The following ENPP7 variants were observed in gnomAD, a reference collection of about 807,000 sequenced individuals.
The protein encoded by ENPP7 is ectonucleotide pyrophosphatase/phosphodiesterase 7.
ENPP7 carries 39 observed loss-of-function variants against 33.6 expected under a neutral mutation model. The observed-to-expected ratio is 1.16, with a 90% confidence interval of 0.90 to 1.52. The LOEUF (loss-of-function observed/expected upper bound fraction) is 1.52, where lower values mean the gene tolerates loss of function less well. Ranked by LOEUF, ENPP7 falls within the 40% of genes most tolerant of loss-of-function variation. ENPP7 has a pLI of 0.00. For synonymous variants in ENPP7, 244 were observed against 274.3 expected, an observed-to-expected ratio of 0.89 and a Z score of 1.09; for missense variants, 594 against 641.0, an observed-to-expected ratio of 0.93 and a Z score of 0.79.
rs1361104467 is a variant in ENPP7, at chr17:79,737,702, G to T, written c.1247-214G>T. ...CAAAGGCCACCTGGAAACTGACAAG[G>T]TGGCGACCCCGGCGGGGGCCTGGCT... On this transcript the variant is annotated intron_variant, in intron 4 of 5. Transcript: ENST00000328313. The surrounding 1 kb of genome is among the most constrained non-coding windows in gnomAD (Gnocchi z 5.5). Among the ~76,000 whole-genome samples, 2 of 152,208 alleles carry T rather than the reference G, an allele frequency of 1.3e-5. No homozygotes were observed. Among genetic ancestry groups the T allele is most frequent in the Non-Finnish European group, 2.9e-5 (2 of 68,036 alleles).
chr17:79,736,143 G>A (rs940876623), intron 3 of ENPP7, among the ~76,000 whole-genome samples: 13 of 152,144 alleles, frequency 8.5e-5, no homozygotes, highest in African/African-American at 2.2e-4. Flanking sequence ...GGCCTCAGGC[G>A]ATCCACCCGC....
Position 79,735,260 on chromosome 17 carries a change from GC to G in ENPP7, c.621del (p.Glu208SerfsTer34), listed in dbSNP as rs1199725217. 3 of 1,613,392 alleles carry G rather than the reference GC, an allele frequency of 1.9e-6. No homozygotes were observed. Among genetic ancestry groups the G allele is most frequent in the Non-Finnish European group, 2.5e-6 (3 of 1,180,030 alleles). On this transcript the variant is annotated frameshift_variant, in exon 3 of 6. Coordinates refer to ENST00000328313, the MANE Select transcript of ENPP7 (RefSeq NM_178543.5). LOFTEE classifies it high-confidence loss of function. The surrounding 1 kb of genome is among the most constrained non-coding windows in gnomAD (Gnocchi z 5.5). Reference sequence around the variant, plus strand: ...CCGGACTCCACGGGCCACAGGTACGGCCCCGAGTCCCCGGAGAGGAGGGAGA... The same window carrying G: ...CCGGACTCCACGGGCCACAGGTACGGCCCGAGTCCCCGGAGAGGAGGGAGA... ...GEPDSTGHRY[G>X]PESPERREMV... is the part of the protein sequence containing the mutation.
Position 79,735,420 on chromosome 17 carries a change from G to T in ENPP7, c.777G>T (p.Leu259=). 1 of 1,614,058 alleles carries T rather than the reference G, an allele frequency of 6.2e-7. No individual in the cohort carries two copies. The highest frequency in any genetic ancestry group is 8.5e-7 in the Non-Finnish European group (1 of 1,180,024). ...CCGTGGACAAACGGGCTGGCGACCT[G>T]GTTGAATTCCACAAGTTCCCCAACT... The part of the protein sequence containing the change: ...MTTVDKRAGD[L]VEFHKFPNFT... The change falls in exon 3 of 6, where the codon CTG becomes CTT. Residue 259 remains leucine, a synonymous_variant. Coordinates refer to ENST00000328313, the MANE Select transcript of ENPP7 (RefSeq NM_178543.5). This position sits in a 1 kb window ranked among gnomAD's most constrained non-coding sequence, Gnocchi z 5.5.
At position 79,731,106 on chromosome 17, in the gene ENPP7, C is replaced by A. The variant is rs782651633; in HGVS notation, c.-34C>A. The A allele has an allele frequency of 7.2e-5, 114 of 1,583,574 alleles. No homozygotes were observed. The highest frequency in any genetic ancestry group is 9.1e-5 in the Non-Finnish European group (106 of 1,167,782). ...CTCCTCGGCAGGAGCCAGCCCTGTG[C>A]ACCCTGTGTGCCTGTCCATCTGGAA... On this transcript the variant is annotated 5_prime_UTR_variant, in exon 1 of 6. The change creates a premature stop within an existing upstream ORF in the 5' untranslated region. Coordinates refer to ENST00000328313, the MANE Select transcript of ENPP7 (RefSeq NM_178543.5).
intron 1 of ENPP7, among the ~76,000 whole-genome samples, chr17:79,732,139 T>TACAC (rs2094287424): frequency 3.7e-5 from 2 of 53,594 alleles, no homozygotes; most frequent in African/African-American, 2.1e-4. Context: ...TATGTATATA[T>TACAC]ATATATATAT....
intron 3 of ENPP7, among the ~76,000 whole-genome samples, chr17:79,736,133 G>C (rs1259866512): frequency 1.3e-5 from 2 of 152,162 alleles, no homozygotes; most frequent in African/African-American, 4.8e-5. Flanking sequence ...TCGAACTTCT[G>C]GCCTCAGGCG....
chr17:79,735,566 A>AC lies in ENPP7; in HGVS notation c.924dup (p.Val309ArgfsTer37). ...CTCAAGGACGCCCACCCCAAGCTCCACGTCTACAAGAAGGAGGCGTTCCCC... is the reference window on the plus strand; with the variant it reads ...CTCAAGGACGCCCACCCCAAGCTCCACCGTCTACAAGAAGGAGGCGTTCCCC... On this transcript the variant is annotated frameshift_variant, in exon 3 of 6. Coordinates refer to ENST00000328313, the MANE Select transcript of ENPP7 (RefSeq NM_178543.5). LOFTEE classifies it high-confidence loss of function. This position sits in a 1 kb window ranked among gnomAD's most constrained non-coding sequence, Gnocchi z 5.5. 6.2e-7 allele frequency: 1 copy of AC among 1,613,864 alleles called. No homozygotes were observed.
chr17:79,737,958 A>AG lies in ENPP7; in HGVS notation c.1292dup (p.Arg432LysfsTer25). ...GATGGAAGGCCTACTCTCCTGCCCA[A>AG]GGGAAGATCTGCTCTCCCGCCCAGC... is the stretch of plus-strand genomic sequence containing the variant. On this transcript the variant is annotated frameshift_variant, in exon 5 of 6. Coordinates refer to ENST00000328313, the MANE Select transcript of ENPP7 (RefSeq NM_178543.5). LOFTEE classifies it high-confidence loss of function. This position sits in a 1 kb window ranked among gnomAD's most constrained non-coding sequence, Gnocchi z 5.5. 1 of 1,613,844 alleles carries AG rather than the reference A, an allele frequency of 6.2e-7. No individual in the cohort carries two copies. Among genetic ancestry groups the AG allele is most frequent in the Non-Finnish European group, 8.5e-7 (1 of 1,180,008 alleles).
rs183722315 is a variant in ENPP7, at chr17:79,733,368, C to G, written c.254-140C>G. 2.8e-3 allele frequency: 2,362 copies of G among 835,500 alleles called. 48 individuals carry two copies. In the African/African-American group the frequency reaches 0.038, roughly 13 times the overall value. 51.8% of individuals were successfully genotyped at this position (835,500 alleles called of 1,614,324 possible). A position where few individuals can be genotyped will look rare whatever the true frequency, so the allele number is the denominator to read the frequency against. ...AGTGCAGGAGGAAGTCTGCTCCCCC[C>G]AGCCCTGCCCCAGGCCCACTCCCCA... On this transcript the variant is annotated intron_variant, in intron 1 of 5. Coordinates refer to ENST00000328313, the MANE Select transcript of ENPP7 (RefSeq NM_178543.5).
At position 79,735,283 on chromosome 17, in the gene ENPP7, G is replaced by T; in HGVS notation, c.640G>T (p.Glu214Ter). The change falls in exon 3 of 6, where the codon GAG becomes TAG. Residue 214 changes from glutamate (E) to a stop codon, truncating the protein, a stop_gained. Transcript: ENST00000328313. LOFTEE classifies it high-confidence loss of function. This position sits in a 1 kb window ranked among gnomAD's most constrained non-coding sequence, Gnocchi z 5.5. ...RYGPESPERR[E>*]MVRQVDRTVG... The stretch of plus-strand genomic sequence containing the variant: ...CGGCCCCGAGTCCCCGGAGAGGAGG[G>T]AGATGGTGCGGCAGGTGGACCGGAC... 1 of 1,613,628 alleles carries T rather than the reference G, an allele frequency of 6.2e-7. No homozygotes were observed. Among genetic ancestry groups the T allele is most frequent in the Non-Finnish European group, 8.5e-7 (1 of 1,180,026 alleles).
chr17:79,735,817 C>T lies in ENPP7; in HGVS notation c.1026+148C>T, dbSNP rs2094294704. ...TCAGCTCACTGCAGCCTTAAACTCC[C>T]AGACTCAAGCGATCCTTCCACCTCA... On this transcript the variant is annotated intron_variant, in intron 3 of 5. Transcript: ENST00000328313. This position sits in a 1 kb window ranked among gnomAD's most constrained non-coding sequence, Gnocchi z 5.5. 1.4e-6 allele frequency: 1 copy of T among 733,120 alleles called. No homozygotes were observed. Among genetic ancestry groups the T allele is most frequent in the Non-Finnish European group, 2.2e-6 (1 of 458,674 alleles). 45.4% of individuals were successfully genotyped at this position (733,120 alleles called of 1,614,324 possible).
intron 5 of ENPP7, among the ~76,000 whole-genome samples, chr17:79,740,366 A>C (rs1253398090): frequency 3.3e-5 from 5 of 152,128 alleles, no homozygotes; most frequent in African/African-American, 1.2e-4. Context: ...TGGAACCCAG[A>C]GGCGTTAGCT....
At chr17:79,731,435 G>A (rs782554034) in intron 1 of ENPP7, 43 bp downstream of exon 1, 9 of 1,575,680 alleles carry the variant, frequency 5.7e-6, no homozygotes, top group Non-Finnish European at 7.8e-6. Flanking sequence ...GGGAGGGCCT[G>A]AGAAACCAGA....
intron 1 of ENPP7, 57 bp from the exon 2 acceptor site, chr17:79,733,451 G>C: frequency 1.3e-6 from 2 of 1,570,838 alleles, no homozygotes; most frequent in African/African-American, 1.3e-5. Context: ...CCCTGGGTCC[G>C]GCCTTCGCTG....
rs140180046 is a variant in ENPP7, at chr17:79,734,343, C to G, written c.399+690C>G. ...TCATAGACACACTCAGGGCTCCTTC[C>G]ACCGGCTGGTGAGCAGGAAGCCAAG... is the stretch of plus-strand genomic sequence containing the variant. On this transcript the variant is annotated intron_variant, in intron 2 of 5. Coordinates refer to ENST00000328313, the MANE Select transcript of ENPP7 (RefSeq NM_178543.5). 2.0e-4 allele frequency among the ~76,000 whole-genome samples: 31 copies of G among 152,328 alleles called. No homozygotes were observed. In the Middle Eastern group the frequency reaches 0.01, roughly 50 times the overall value.
intron 1 of ENPP7, among the ~76,000 whole-genome samples, chr17:79,733,295 G>A (rs1555822894): frequency 6.6e-6 from 1 of 152,212 alleles, no homozygotes; most frequent in East Asian, 1.9e-4. Flanking sequence ...CAAAGAACAC[G>A]TGTCTATTTG....
chr17:79,731,521 T>C, intron 1 of ENPP7, 129 bp downstream of exon 1: 1 of 1,176,430 alleles, frequency 8.5e-7, no homozygotes, highest in Non-Finnish European at 1.2e-6. Context: ...AAGGGGACCA[T>C]TAGGAATCCT....
rs567327501 is a variant in ENPP7 at position 79,737,454 on chromosome 17, G to C, written c.1246+194G>C. ...ACGAGCACCTCATGCATCTCGGGCG[G>C]CACGAGAGGGCGAGGGGGAGGAGTG... On this transcript the variant is annotated intron_variant, in intron 4 of 5. Transcript: ENST00000328313. The surrounding 1 kb of genome is among the most constrained non-coding windows in gnomAD (Gnocchi z 5.5). Among the ~76,000 whole-genome samples, 9 of 152,336 alleles carry C rather than the reference G, an allele frequency of 5.9e-5. No homozygotes were observed. The highest frequency in any genetic ancestry group is 2.2e-4 in the African/African-American group (9 of 41,584).
chr17:79,733,040 A>C (rs1555822839), intron 1 of ENPP7, among the ~76,000 whole-genome samples: 1 of 152,180 alleles, frequency 6.6e-6, no homozygotes, highest in Non-Finnish European at 1.5e-5. Context: ...TTCCTGTACA[A>C]AAATAAATTC....
Sources: gnomAD v4.1 joint callset for allele counts (sites outside exome capture counted in the v4.1 genomes callset) on GRCh38, gnomAD v4.1.1 for gene constraint, Gnocchi (gnomAD v3.1) non-coding constraint, MANE v1.5 for transcripts, NCBI Gene and HGNC (gene_info 2026-07-23, HGNC 2026-07-21) for gene names.